PCED1B: variants seen among roughly 807,000 people sequenced by gnomAD.
PCED1B encodes the protein PC-esterase domain containing 1B, also known as PC-esterase domain-containing protein 1B.
For synonymous variants in PCED1B, 251 were observed against 246.1 expected (o/e 1.02, Z -0.19); for missense variants, 573 against 573.9 (o/e 1.00, Z 0.02).
chr12:47,130,807 A>T (rs930073672), intron 2 of PCED1B, among the ~76,000 whole-genome samples: 2 of 152,202 alleles, frequency 1.3e-5, no homozygotes, highest in Non-Finnish European at 2.9e-5. Flanking sequence ...CAATGATCAG[A>T]TTATACATTC....
At chr12:47,080,506 G>A (rs1369108553) in intron 1 of PCED1B, among the ~76,000 whole-genome samples, 3 of 152,210 alleles carry the variant, frequency 2.0e-5, no homozygotes, top group African/African-American at 7.2e-5. Context: ...GAGGTCGCGG[G>A]GAGGGAAGTC....
At position 47,118,669 on chromosome 12, in the gene PCED1B, T is replaced by A. The variant is rs191483527; in HGVS notation, c.-526+14474T>A. Reference sequence around the variant, plus strand: ...TTTTGGCTTAGGATTGTCTTGGGAATGTGGGCTCTTTTTTGGTTCCATATG... The same window carrying A: ...TTTTGGCTTAGGATTGTCTTGGGAAAGTGGGCTCTTTTTTGGTTCCATATG... On this transcript the variant is annotated intron_variant, in intron 2 of 3. Transcript: ENST00000546455. 1.6e-3 allele frequency among the ~76,000 whole-genome samples: 238 copies of A among 152,322 alleles called. 1 individual carries two copies. The highest frequency in any genetic ancestry group is 5.6e-3 in the African/African-American group (232 of 41,578).
intron 2 of PCED1B, among the ~76,000 whole-genome samples, chr12:47,152,888 T>C (rs1434746751): frequency 1.3e-5 from 2 of 151,814 alleles, no homozygotes; most frequent in Non-Finnish European, 2.9e-5. Context: ...TAAGCCTAGA[T>C]TGTGCCACTC....
At chr12:47,225,024 C>A (rs1354075398) in intron 3 of PCED1B, among the ~76,000 whole-genome samples, 1 of 152,146 alleles carries the variant, frequency 6.6e-6, no homozygotes, top group Non-Finnish European at 1.5e-5. Flanking sequence ...CTCCACCTCC[C>A]AGGTTCAAAT....
At chr12:47,113,838 C>T (rs1487995076) in intron 2 of PCED1B, among the ~76,000 whole-genome samples, 1 of 151,988 alleles carries the variant, frequency 6.6e-6, no homozygotes, top group African/African-American at 2.4e-5. Context: ...GACGAAACCC[C>T]GTCTCTACTA....
At chr12:47,120,004 C>A (rs982545843) in intron 2 of PCED1B, among the ~76,000 whole-genome samples, 2 of 151,472 alleles carry the variant, frequency 1.3e-5, no homozygotes, top group Admixed American at 1.3e-4. Context: ...TGATTAATTG[C>A]CCAATTAAAA....
chr12:47,162,773 A>G (rs1023736318), intron 2 of PCED1B, among the ~76,000 whole-genome samples: 1 of 152,212 alleles, frequency 6.6e-6, no homozygotes, highest in African/African-American at 2.4e-5. Flanking sequence ...GGCATCTACG[A>G]CCATGACCCT....
chr12:47,166,200 T>C (rs150698068), intron 2 of PCED1B, among the ~76,000 whole-genome samples: 11 of 152,202 alleles, frequency 7.2e-5, no homozygotes, highest in Non-Finnish European at 1.6e-4. Context: ...TTAACTTTGA[T>C]AAGCACTAGT....
intron 2 of PCED1B, among the ~76,000 whole-genome samples, chr12:47,191,903 C>T (rs900594817): frequency 6.6e-6 from 1 of 151,834 alleles, no homozygotes; most frequent in East Asian, 1.9e-4. Flanking sequence ...CTTGAGCTAA[C>T]TCAGACATCA....
Position 47,098,306 on chromosome 12 carries a change from C to T in PCED1B, c.-608-5807C>T, listed in dbSNP as rs116273854. On this transcript the variant is annotated intron_variant, in intron 1 of 3. Coordinates refer to ENST00000546455, the MANE Select transcript of PCED1B (RefSeq NM_138371.3). ...TGGACTGCAGCTGAGAGCTCCCAAC[C>T]AGCGAGGGCTGAGGTTGGTGCCAGT... Among the ~76,000 whole-genome samples the T allele has an allele frequency of 5.1e-3, 774 of 152,294 alleles. 5 individuals are homozygous for T. Among genetic ancestry groups the T allele is most frequent in the African/African-American group, 0.017 (690 of 41,554 alleles).
intron 2 of PCED1B, chr12:47,210,835 C>A (rs1237359718): frequency 6.6e-6 from 1 of 151,544 alleles, no homozygotes; most frequent in African/African-American, 2.4e-5. Context: ...AAAAGAGCAC[C>A]CTAAAAGAAA....
At chr12:47,203,237 T>C (rs1942820260) in intron 2 of PCED1B, among the ~76,000 whole-genome samples, 1 of 152,168 alleles carries the variant, frequency 6.6e-6, no homozygotes, top group South Asian at 2.1e-4. Context: ...CCCAAAGTGC[T>C]GGGATTACAG....
At chr12:47,169,886 A>T (rs1941666124) in intron 2 of PCED1B, among the ~76,000 whole-genome samples, 1 of 134,744 alleles carries the variant, frequency 7.4e-6, no homozygotes, top group Non-Finnish European at 1.6e-5. Context: ...TTATCATTGT[A>T]TATTACTCAT....
intron 2 of PCED1B, among the ~76,000 whole-genome samples, chr12:47,175,649 C>A (rs1941899292): frequency 6.6e-6 from 1 of 152,126 alleles, no homozygotes; most frequent in Non-Finnish European, 1.5e-5. Flanking sequence ...TCTCGGCTCA[C>A]TGCAACCTCA....
At chr12:47,234,824 C>T (rs1315924583) in intron 3 of PCED1B, among the ~76,000 whole-genome samples, 183 bp from the exon 4 acceptor site, 5 of 152,208 alleles carry the variant, frequency 3.3e-5, no homozygotes, top group African/African-American at 7.2e-5. Flanking sequence ...TCCCTTCCTG[C>T]CCTCTCGCCA....
chr12:47,095,132 T>C (rs1201185752), intron 1 of PCED1B, among the ~76,000 whole-genome samples: 2 of 151,378 alleles, frequency 1.3e-5, no homozygotes, highest in Non-Finnish European at 2.9e-5. Flanking sequence ...GCTGAGATTA[T>C]TTTCCTTCTG....
At chr12:47,120,049 G>A (rs1440324831) in intron 2 of PCED1B, among the ~76,000 whole-genome samples, 2 of 151,934 alleles carry the variant, frequency 1.3e-5, no homozygotes, top group African/African-American at 2.4e-5. Flanking sequence ...ATTTCTCCAA[G>A]GAAGATACAC....
chr12:47,157,257 A>T (rs1385941906), intron 2 of PCED1B, among the ~76,000 whole-genome samples: 1 of 152,180 alleles, frequency 6.6e-6, no homozygotes, highest in East Asian at 1.9e-4. Context: ...ATTCACATTC[A>T]TTGGTGAAAA....
chr12:47,113,415 T>C (rs1039262144), intron 2 of PCED1B, among the ~76,000 whole-genome samples: 5 of 152,198 alleles, frequency 3.3e-5, no homozygotes, highest in Admixed American at 3.3e-4. Flanking sequence ...GAGGCATTTT[T>C]TACTCCAAAT....
Sources: gnomAD v4.1 joint callset for allele counts (sites outside exome capture counted in the v4.1 genomes callset) on GRCh38, gnomAD v4.1.1 for gene constraint, MANE v1.5 for transcripts, NCBI Gene and HGNC (gene_info 2026-07-23, HGNC 2026-07-21) for gene names.